Variants in RPS6KC1 observed in about 807,000 individuals in gnomAD.
RPS6KC1 encodes inactive ribosomal protein S6 kinase delta-1.
RPS6KC1 carries 54 observed loss-of-function variants against 103.8 expected under a neutral mutation model. That is an observed-to-expected ratio of 0.52 (90% CI 0.42 to 0.65). RPS6KC1 has a LOEUF of 0.65. Among genes scored for constraint, RPS6KC1 ranks in the 30% least tolerant of loss-of-function variants. The pLI is 0.00. For missense variants in RPS6KC1, 1,151 were observed against 1,253.8 expected (o/e 0.92, Z 1.24); for synonymous variants, 439 against 438.7 (o/e 1.00, Z -0.01).
the RPS6KC1 span, among the ~76,000 whole-genome samples, chr1:213,701,085 T>C: frequency 6.6e-6 from 1 of 152,072 alleles, no homozygotes; most frequent in Non-Finnish European, 1.5e-5. Context: ...GGACTTCCAG[T>C]GTTACATTGA....
chr1:213,070,854 A>G, intron 1 of RPS6KC1, 152 bp from the exon 2 acceptor site: 2 of 528,374 alleles, frequency 3.8e-6, no homozygotes, highest in South Asian at 5.1e-5. Context: ...TAGTGAAGTT[A>G]TTATATAGCT....
At chr1:213,717,905 A>G in the RPS6KC1 span, among the ~76,000 whole-genome samples, 1 of 152,156 alleles carries the variant, frequency 6.6e-6, no homozygotes, top group Non-Finnish European at 1.5e-5. Flanking sequence ...CAATGGTCAT[A>G]CAGATGGATT....
the RPS6KC1 span, among the ~76,000 whole-genome samples, chr1:213,782,569 G>T: frequency 6.6e-6 from 1 of 152,184 alleles, no homozygotes; most frequent in South Asian, 2.1e-4. Flanking sequence ...GTAAAAAAAG[G>T]CTAGCCAAAC....
the RPS6KC1 span, among the ~76,000 whole-genome samples, chr1:213,847,739 A>G: frequency 1.3e-5 from 2 of 151,984 alleles, no homozygotes; most frequent in African/African-American, 4.8e-5. Flanking sequence ...ACTTTCCTCA[A>G]CTACCAGCCC....
the RPS6KC1 span, among the ~76,000 whole-genome samples, chr1:213,807,055 A>G: frequency 6.6e-6 from 1 of 152,184 alleles, no homozygotes; most frequent in East Asian, 1.9e-4. Context: ...GTTTGACTGG[A>G]TATGAAATTC....
intron 5 of RPS6KC1, among the ~76,000 whole-genome samples, chr1:213,119,878 G>A (rs926395714): frequency 2.0e-5 from 3 of 149,406 alleles, no homozygotes; most frequent in Non-Finnish European, 2.9e-5. Flanking sequence ...GCTAGGGTGA[G>A]CATGTAGTTT....
chr1:213,828,727 TGAA>T, the RPS6KC1 span, among the ~76,000 whole-genome samples: 1 of 152,168 alleles, frequency 6.6e-6, no homozygotes. Flanking sequence ...CTCAGAGAGA[TGAA>T]GACACTTGCC....
At chr1:213,475,682 G>A in the RPS6KC1 span, among the ~76,000 whole-genome samples, 4 of 152,080 alleles carry the variant, frequency 2.6e-5, no homozygotes, top group Non-Finnish European at 5.9e-5. Context: ...GGGTTCCATG[G>A]GTCACTGTTT....
chr1:213,078,052 A>G (rs190079691), intron 3 of RPS6KC1, among the ~76,000 whole-genome samples: 139 of 152,212 alleles, frequency 9.1e-4, no homozygotes, highest in Non-Finnish European at 1.7e-3. Context: ...CCAACCAAAT[A>G]AAAAACCCTG....
At chr1:213,314,880 G>A in the RPS6KC1 span, among the ~76,000 whole-genome samples, 4 of 152,080 alleles carry the variant, frequency 2.6e-5, no homozygotes, top group Admixed American at 6.6e-5. Flanking sequence ...TCAGTCGAGA[G>A]GTGGATAGAA....
intron 6 of RPS6KC1, among the ~76,000 whole-genome samples, chr1:213,162,449 T>TA (rs577539513): frequency 7.9e-5 from 12 of 152,078 alleles, no homozygotes; most frequent in African/African-American, 2.7e-4. Flanking sequence ...CCTGGCGAAT[T>TA]AAAAAAAATT....
At chr1:213,535,686 T>C in the RPS6KC1 span, among the ~76,000 whole-genome samples, 1 of 152,110 alleles carries the variant, frequency 6.6e-6, no homozygotes, top group African/African-American at 2.4e-5. Flanking sequence ...GCTTGGCCAT[T>C]CTTAGAGCTG....
At chr1:213,199,244 C>A (rs1573211502) in intron 8 of RPS6KC1, among the ~76,000 whole-genome samples, 1 of 152,260 alleles carries the variant, frequency 6.6e-6, no homozygotes, top group East Asian at 1.9e-4. Flanking sequence ...AATTCCTCAA[C>A]AAAATACTGG....
the RPS6KC1 span, among the ~76,000 whole-genome samples, chr1:213,699,205 T>C: frequency 1.3e-5 from 2 of 152,006 alleles, no homozygotes; most frequent in East Asian, 1.9e-4. Flanking sequence ...CCCTCACACC[T>C]CACCCCACTC....
chr1:213,487,145 G>C, the RPS6KC1 span, among the ~76,000 whole-genome samples: 3 of 152,198 alleles, frequency 2.0e-5, no homozygotes, highest in Non-Finnish European at 4.4e-5. Context: ...GCTCATGACT[G>C]TAATCCTAGC....
At chr1:213,556,167 A>G in the RPS6KC1 span, among the ~76,000 whole-genome samples, 1 of 152,150 alleles carries the variant, frequency 6.6e-6, no homozygotes, top group Non-Finnish European at 1.5e-5. Flanking sequence ...GCCAAGTTTG[A>G]GTTGGGATTT....
At chr1:213,716,904 G>C in the RPS6KC1 span, among the ~76,000 whole-genome samples, 773 of 152,286 alleles carry the variant, frequency 5.1e-3, 7 homozygotes, top group Non-Finnish European at 8.9e-3. Flanking sequence ...TTTAACTTAT[G>C]AGAAAACCGA....
chr1:213,268,868 A>T (rs1223298112), intron 14 of RPS6KC1, among the ~76,000 whole-genome samples: 1 of 152,108 alleles, frequency 6.6e-6, no homozygotes, highest in Non-Finnish European at 1.5e-5. Flanking sequence ...ACTAAATACT[A>T]AATGAAAATT....
the RPS6KC1 span, among the ~76,000 whole-genome samples, chr1:213,856,912 A>G: frequency 1.8e-3 from 276 of 152,364 alleles, 1 homozygote; most frequent in African/African-American, 6.4e-3. Flanking sequence ...CTCTAAAAAT[A>G]GTAATAACAA....
Sources: allele counts gnomAD v4.1 joint callset (sites outside exome capture counted in the v4.1 genomes callset), GRCh38; gene constraint gnomAD v4.1.1; transcripts MANE v1.5; gene names NCBI Gene and HGNC (gene_info 2026-07-23, HGNC 2026-07-21).